SUCLG2: variants seen among roughly 807,000 people sequenced by gnomAD.
SUCLG2 encodes the protein succinate--CoA ligase [GDP-forming] subunit beta, mitochondrial.
Under a neutral mutation model 47.9 loss-of-function variants are expected in SUCLG2, and 42 were observed. The observed-to-expected ratio is 0.88, with a 90% CI of 0.69 to 1.14. The LOEUF (loss-of-function observed/expected upper bound fraction) is 1.14, where lower values mean the gene tolerates loss of function less well. SUCLG2 is among the 50% of genes most tolerant of loss of function. The probability of loss-of-function intolerance (pLI) is 0.00; values close to 1 mark genes in which losing one functional copy is unlikely to be tolerated. For synonymous variants in SUCLG2, 195 were observed against 197.3 expected, an observed-to-expected ratio of 0.99 and a Z score of 0.10; for missense variants, 571 against 525.9, an observed-to-expected ratio of 1.09 and a Z score of -0.84.
intron 10 of SUCLG2, among the ~76,000 whole-genome samples, chr3:67,395,198 A>C (rs549926208): frequency 0.038 from 5,799 of 152,134 alleles, 359 homozygotes; most frequent in African/African-American, 0.13. Flanking sequence ...TAAATGGACT[A>C]AATGCTCCAA....
intron 2 of SUCLG2, among the ~76,000 whole-genome samples, chr3:67,591,399 T>C (rs1400738674): frequency 6.6e-6 from 1 of 152,160 alleles, no homozygotes; most frequent in African/African-American, 2.4e-5. Flanking sequence ...ACAACTGATA[T>C]GGTTTTGCTG....
chr3:67,473,167 T>C (rs2106991267), intron 9 of SUCLG2, among the ~76,000 whole-genome samples: 1 of 133,896 alleles, frequency 7.5e-6, no homozygotes, highest in East Asian at 2.3e-4. Context: ...TAAGGAATTA[T>C]GGATGACTTT....
In SUCLG2 at chr3:67,375,172, G is replaced by T; in HGVS notation, c.*572C>A. 1 of 985,312 alleles carries T rather than the reference G, an allele frequency of 1.0e-6. No individual in the cohort carries two copies. Among genetic ancestry groups the T allele is most frequent in the African/African-American group, 1.7e-5 (1 of 57,298 alleles). 61.0% of individuals were successfully genotyped at this position (985,312 alleles called of 1,614,324 possible). A position where few individuals can be genotyped will look rare whatever the true frequency, so the allele number is the denominator to read the frequency against. On this transcript the variant is annotated 3_prime_UTR_variant, in exon 11 of 11. Coordinates refer to ENST00000307227, the MANE Select transcript of SUCLG2 (RefSeq NM_003848.4). ...GATATTCCATTATTAAATATATTTTGGAATACTCACGGATTTTTCAAACAT... is the reference window on the plus strand; with the variant it reads ...GATATTCCATTATTAAATATATTTTTGAATACTCACGGATTTTTCAAACAT...
chr3:67,586,349 TG>T (rs1269615593), intron 2 of SUCLG2, among the ~76,000 whole-genome samples: 2 of 152,234 alleles, frequency 1.3e-5, no homozygotes, highest in South Asian at 2.1e-4. Flanking sequence ...AGTAAGCTCC[TG>T]GAACAACCTA....
downstream of SUCLG2, among the ~76,000 whole-genome samples, chr3:67,372,890 T>C (rs149484655): frequency 1.9e-3 from 296 of 152,288 alleles, 7 homozygotes; most frequent in East Asian, 0.044. Flanking sequence ...GGAAATATTT[T>C]AGGGTCATAA....
intron 9 of SUCLG2, among the ~76,000 whole-genome samples, chr3:67,411,255 G>A (rs537128509): frequency 6.6e-6 from 1 of 152,040 alleles, no homozygotes; most frequent in East Asian, 1.9e-4. Flanking sequence ...AGCAGAGAGA[G>A]CCAAAACTTA....
At chr3:67,377,672 G>A (rs1702062966) in intron 10 of SUCLG2, among the ~76,000 whole-genome samples, 1 of 152,044 alleles carries the variant, frequency 6.6e-6, no homozygotes, top group Middle Eastern at 3.2e-3. Context: ...TTTTGTTTTT[G>A]AGATAGGCTC....
intron 6 of SUCLG2, among the ~76,000 whole-genome samples, chr3:67,517,763 C>T (rs76826179): frequency 0.017 from 2,521 of 152,202 alleles, 70 homozygotes; most frequent in African/African-American, 0.058. Context: ...TAGCAATTAG[C>T]TAAATAACAT....
At chr3:67,561,448 T>C (rs1263749817) in intron 2 of SUCLG2, among the ~76,000 whole-genome samples, 3 of 152,160 alleles carry the variant, frequency 2.0e-5, no homozygotes, top group South Asian at 4.1e-4. Flanking sequence ...CCAACAACTA[T>C]TTAAAAAATA....
At chr3:67,544,981 A>G (rs1300249410) in intron 2 of SUCLG2, among the ~76,000 whole-genome samples, 1 of 152,196 alleles carries the variant, frequency 6.6e-6, no homozygotes, top group Non-Finnish European at 1.5e-5. Context: ...AATACTTTTA[A>G]GAGCTCTAAT....
intron 9 of SUCLG2, among the ~76,000 whole-genome samples, chr3:67,457,023 G>A (rs1048893722): frequency 6.6e-6 from 1 of 152,090 alleles, no homozygotes; most frequent in East Asian, 1.9e-4. Context: ...TTAGCAAAAA[G>A]AAAAACATTC....
intron 10 of SUCLG2, among the ~76,000 whole-genome samples, chr3:67,397,636 C>G (rs1316868186): frequency 1.3e-5 from 2 of 152,062 alleles, no homozygotes; most frequent in Non-Finnish European, 2.9e-5. Context: ...ATCAAGCTAC[C>G]AATGACTTTC....
At chr3:67,490,862 A>C (rs977634201) in intron 9 of SUCLG2, among the ~76,000 whole-genome samples, 5 of 152,218 alleles carry the variant, frequency 3.3e-5, no homozygotes, top group Non-Finnish European at 7.3e-5. Context: ...CATGACAGAA[A>C]GGCCATAATG....
intron 2 of SUCLG2, among the ~76,000 whole-genome samples, chr3:67,604,366 T>C (rs1293322793): frequency 1.3e-5 from 2 of 152,354 alleles, no homozygotes; most frequent in Non-Finnish European, 2.9e-5. Flanking sequence ...GCATTTTCCA[T>C]GTTTAAAATG....
intron 2 of SUCLG2, among the ~76,000 whole-genome samples, chr3:67,580,694 T>G (rs536978467): frequency 6.6e-6 from 1 of 152,206 alleles, no homozygotes; most frequent in East Asian, 1.9e-4. Flanking sequence ...GTCATAAAAT[T>G]TGAAGCTGTT....
chr3:67,371,574 G>A (rs76647134), downstream of SUCLG2, among the ~76,000 whole-genome samples: 190 of 152,228 alleles, frequency 1.2e-3, no homozygotes, highest in East Asian at 0.028. Context: ...TGCAAGTCCC[G>A]GAGGTGCCAT....
chr3:67,373,482 G>T (rs1377236103), downstream of SUCLG2, among the ~76,000 whole-genome samples: 1 of 152,122 alleles, frequency 6.6e-6, no homozygotes, highest in Non-Finnish European at 1.5e-5. Flanking sequence ...ATGAGATTTT[G>T]GGTGGGGACA....
chr3:67,380,928 A>T (rs1036186191), intron 10 of SUCLG2, among the ~76,000 whole-genome samples: 16 of 152,128 alleles, frequency 1.1e-4, no homozygotes, highest in Admixed American at 8.5e-4. Flanking sequence ...TCTACTGCCC[A>T]CTGACCCTGC....
intron 2 of SUCLG2, among the ~76,000 whole-genome samples, chr3:67,578,280 T>G (rs7636075): frequency 7.1e-6 from 1 of 141,378 alleles, no homozygotes; most frequent in Admixed American, 7.0e-5. Flanking sequence ...ATATAAAATT[T>G]TATATATATA....
Sources: gnomAD v4.1 joint callset for allele counts (sites outside exome capture counted in the v4.1 genomes callset) on GRCh38, gnomAD v4.1.1 for gene constraint, MANE v1.5 for transcripts, NCBI Gene and HGNC (gene_info 2026-07-23, HGNC 2026-07-21) for gene names.